The following GCNT1 variants were observed in gnomAD, a reference collection of about 807,000 sequenced individuals.
GCNT1 encodes glucosaminyl (N-acetyl) transferase 1, also known as beta-1,3-galactosyl-O-glycosyl-glycoprotein beta-1,6-N-acetylglucosaminyltransferase.
In GCNT1, 16 loss-of-function variants were observed where a neutral mutation model predicts 26.2. The ratio of observed to expected loss-of-function variants is 0.61; its 90% CI spans 0.41 to 0.93. The LOEUF is 0.93. Ranked by LOEUF, GCNT1 falls within the 40% of genes least tolerant of loss-of-function variation. The probability of loss-of-function intolerance (pLI) is 0.00; values close to 1 mark genes in which losing one functional copy is unlikely to be tolerated. For missense variants in GCNT1, 477 were observed against 526.7 expected (o/e 0.91, Z 0.92); for synonymous variants, 183 against 190.8 (o/e 0.96, Z 0.34).
intron 1 of GCNT1, among the ~76,000 whole-genome samples, chr9:76,435,764 G>C (rs1823398753): frequency 6.6e-6 from 1 of 151,974 alleles, no homozygotes; most frequent in South Asian, 2.1e-4. Context: ...TCAGAGGTTG[G>C]GACTTCAACA....
At chr9:76,464,193 G>A (rs1209715726) in intron 2 of GCNT1, among the ~76,000 whole-genome samples, 1 of 152,052 alleles carries the variant, frequency 6.6e-6, no homozygotes, top group African/African-American at 2.4e-5. Context: ...GGACTTTAAT[G>A]TCAGCATAGT....
At chr9:76,461,067 G>A (rs1158751397) in intron 2 of GCNT1, among the ~76,000 whole-genome samples, 1 of 152,128 alleles carries the variant, frequency 6.6e-6, no homozygotes. Flanking sequence ...GACTAAACAG[G>A]TAATGCACAA....
intron 1 of GCNT1, among the ~76,000 whole-genome samples, chr9:76,443,671 G>A (rs1046163087): frequency 6.6e-6 from 1 of 152,148 alleles, no homozygotes; most frequent in Non-Finnish European, 1.5e-5. Flanking sequence ...TTTGGGGCCA[G>A]TTTATGGCCA....
chr9:76,448,512 T>C (rs1823613200), intron 1 of GCNT1, among the ~76,000 whole-genome samples: 2 of 152,116 alleles, frequency 1.3e-5, no homozygotes, highest in Non-Finnish European at 2.9e-5. Context: ...TATAGCTGTT[T>C]AGGTGTATAG....
At chr9:76,394,462 C>G in the GCNT1 span, 1 of 318,194 alleles carries the variant, frequency 3.1e-6, no homozygotes, top group Admixed American at 5.3e-5. Context: ...GGGGGCGGCC[C>G]GAAGCGCAGA....
intron 1 of GCNT1, among the ~76,000 whole-genome samples, chr9:76,425,259 G>A (rs1823245197): frequency 6.6e-6 from 1 of 150,650 alleles, no homozygotes; most frequent in Non-Finnish European, 1.5e-5. Context: ...TTTCACTCTT[G>A]TTGCCCAGGC....
At chr9:76,393,875 C>T in the GCNT1 span, 1 of 553,618 alleles carries the variant, frequency 1.8e-6, no homozygotes, top group South Asian at 2.3e-5. Flanking sequence ...ACCCCTCAAC[C>T]CCGTCCCCGC....
chr9:76,394,254 A>C, the GCNT1 span: 1 of 1,403,704 alleles, frequency 7.1e-7, no homozygotes, highest in Non-Finnish European at 9.7e-7. Flanking sequence ...CAGACCCCGG[A>C]CCAGCCGGGG....
At chr9:76,438,032 A>C (rs1823432463), upstream of GCNT1, among the ~76,000 whole-genome samples, 1 of 152,250 alleles carries the variant, frequency 6.6e-6, no homozygotes, top group Non-Finnish European at 1.5e-5. Flanking sequence ...CCTAGAACAA[A>C]TAAAATTTTT....
chr9:76,498,787 A>AG (rs200144044), intron 2 of GCNT1, among the ~76,000 whole-genome samples: 31,092 of 93,806 alleles, frequency 0.33, 3,501 homozygotes, highest in East Asian at 0.51. Flanking sequence ...AAAAAAAAAA[A>AG]AAAGAAAAAA....
At chr9:76,415,968 G>A (rs562467607), upstream of GCNT1, among the ~76,000 whole-genome samples, 1 of 152,278 alleles carries the variant, frequency 6.6e-6, no homozygotes, top group South Asian at 2.1e-4. Flanking sequence ...GATATGGACA[G>A]GAGGCAGGGA....
chr9:76,467,132 T>C (rs996890307), intron 2 of GCNT1, among the ~76,000 whole-genome samples: 9 of 151,996 alleles, frequency 5.9e-5, no homozygotes, highest in African/African-American at 2.2e-4. Flanking sequence ...AACCTACGCC[T>C]CCCAGGTTCA....
At chr9:76,434,852 C>T (rs989729730) in intron 1 of GCNT1, among the ~76,000 whole-genome samples, 1 of 152,072 alleles carries the variant, frequency 6.6e-6, no homozygotes, top group African/African-American at 2.4e-5. Flanking sequence ...TATAAACAGC[C>T]ACTCTGGAAG....
chr9:76,428,196 G>T (rs372473910), intron 1 of GCNT1, among the ~76,000 whole-genome samples: 373 of 148,442 alleles, frequency 2.5e-3, no homozygotes, highest in African/African-American at 8.8e-3. Flanking sequence ...AGCCCGGGAG[G>T]TGGAGCTTGC....
intron 1 of GCNT1, among the ~76,000 whole-genome samples, chr9:76,425,334 T>C (rs1823246157): frequency 6.6e-6 from 1 of 151,808 alleles, no homozygotes; most frequent in Non-Finnish European, 1.5e-5. Flanking sequence ...GTGATTCTCC[T>C]GCCTCAGCCT....
chr9:76,421,611 A>AAC (rs1188254068), intron 1 of GCNT1, among the ~76,000 whole-genome samples: 68 of 146,304 alleles, frequency 4.6e-4, no homozygotes, highest in African/African-American at 1.7e-3. Flanking sequence ...AAAAAAAAAA[A>AAC]AAAAAAAAAA....
At chr9:76,401,826 T>C in the GCNT1 span, among the ~76,000 whole-genome samples, 1 of 151,848 alleles carries the variant, frequency 6.6e-6, no homozygotes, top group African/African-American at 2.4e-5. Flanking sequence ...GCCCAGGAGG[T>C]TGTGGCTGCA....
In GCNT1 at chr9:76,506,545, A is replaced by AAC. The variant is rs1825244401; in HGVS notation, c.*2879_*2880dup. 6.0e-6 allele frequency: 1 copy of AAC among 167,040 alleles called. No homozygotes were observed. The highest frequency in any genetic ancestry group is 1.5e-5 in the Non-Finnish European group (1 of 68,108). 10.3% of individuals were successfully genotyped at this position (167,040 alleles called of 1,614,324 possible). On this transcript the variant is annotated 3_prime_UTR_variant, in exon 4 of 4. Transcript: ENST00000376730. ...TGAAACTCGTATCTCCAAACAAACA[A>AAC]ACAAAAAGTCCTTAAACATATGTGA...
At position 76,503,582 on chromosome 9, in the gene GCNT1, A is replaced by G. The variant is rs756435252; in HGVS notation, c.1201A>G (p.Lys401Glu). Residue 401 changes from lysine (K) to glutamate (E), a missense_variant, in exon 4 of 4, where the codon AAG (lysine) becomes GAG (glutamate). Coordinates refer to ENST00000376730, the MANE Select transcript of GCNT1 (RefSeq NM_001490.5). Reference protein sequence around the residue: ...MLRKHHLFANKFDVDVDLFAI... With the variant: ...MLRKHHLFANEFDVDVDLFAI... ...GCGCAAACACCACTTGTTTGCCAAT[A>G]AGTTTGACGTGGATGTTGACCTCTT... The G allele has an allele frequency of 6.2e-7, 1 of 1,614,152 alleles. No individual in the cohort carries two copies. The highest frequency in any genetic ancestry group is 8.5e-7 in the Non-Finnish European group (1 of 1,180,004).
Sources: gnomAD v4.1 joint callset for allele counts (sites outside exome capture counted in the v4.1 genomes callset) on GRCh38, gnomAD v4.1.1 for gene constraint, MANE v1.5 for transcripts, NCBI Gene and HGNC (gene_info 2026-07-23, HGNC 2026-07-21) for gene names.